The following PDGFA variants were observed in gnomAD, a reference collection of about 807,000 sequenced individuals.
PDGFA encodes the protein platelet-derived growth factor subunit A.
Under a neutral mutation model 25.6 loss-of-function variants are expected in PDGFA, and 9 were observed. That is an observed-to-expected ratio of 0.35 (90% confidence interval 0.21 to 0.61). The LOEUF (loss-of-function observed/expected upper bound fraction) is 0.61, where lower values mean the gene tolerates loss of function less well. Among genes scored for constraint, PDGFA ranks in the 20% least tolerant of loss-of-function variants. The pLI, the probability that PDGFA is intolerant of heterozygous loss-of-function variation, is 0.75. For missense variants in PDGFA, 242 were observed against 272.8 expected (o/e 0.89, Z 0.79); for synonymous variants, 133 against 111.8 (o/e 1.19, Z -1.20).
In PDGFA at chr7:504,697, C is replaced by A. The variant is rs563244592; in HGVS notation, c.454-3455G>T. Among the ~76,000 whole-genome samples the A allele has an allele frequency of 2.6e-5, 4 of 152,354 alleles. No homozygotes were observed. In the South Asian group the frequency reaches 8.3e-4, roughly 32 times the overall value. ...CGTGGGGATGGGCTCGGGCAGGGCGCCCTGTTCTGCTCCCGGCCCTGACCC... is the reference window on the plus strand; with the variant it reads ...CGTGGGGATGGGCTCGGGCAGGGCGACCTGTTCTGCTCCCGGCCCTGACCC... On this transcript the variant is annotated intron_variant, in intron 4 of 5. Coordinates refer to ENST00000402802, the Ensembl canonical transcript of PDGFA.
At chr7:512,229 T>C in intron 3 of PDGFA, 122 bp downstream of exon 3, 1 of 939,048 alleles carries the variant, frequency 1.1e-6, no homozygotes, top group Non-Finnish European at 1.6e-6. Flanking sequence ...GTGGCTTGCC[T>C]GAGGCCACTG....
rs1019151968 is a variant in PDGFA, at chr7:504,890, C to T, written c.454-3648G>A. On this transcript the variant is annotated intron_variant, in intron 4 of 5. Transcript: ENST00000402802. ...AACCACTCGAGATGGCCGGCCACCGCGGGCGCGTGGGCTCCCAGGACACAA... is the reference window on the plus strand; with the variant it reads ...AACCACTCGAGATGGCCGGCCACCGTGGGCGCGTGGGCTCCCAGGACACAA... Among the ~76,000 whole-genome samples, 8 of 152,342 alleles carry T rather than the reference C, an allele frequency of 5.3e-5. No homozygotes were observed. In the East Asian group the frequency reaches 9.7e-4, roughly 18 times the overall value.
In PDGFA at chr7:498,600, A is replaced by AC. The variant is rs1782197689; in HGVS notation, c.581-27dup. ...CTGCAGGGAGAAGGGAAAGACAGAC[A>AC]CTGAGACCACCGACCAAGTGAACCA... On this transcript the variant is annotated intron_variant, in intron 5 of 5. Coordinates refer to ENST00000402802, the Ensembl canonical transcript of PDGFA. 6 of 1,608,986 alleles carry AC rather than the reference A, an allele frequency of 3.7e-6. No homozygotes were observed. The African/African-American group carries it at 8.0e-5, about 21-fold the overall frequency.
At chr7:504,236 C>G (rs955868547) in intron 4 of PDGFA, among the ~76,000 whole-genome samples, 1 of 152,114 alleles carries the variant, frequency 6.6e-6, no homozygotes, top group African/African-American at 2.4e-5. Context: ...TACCACCACC[C>G]ACCCACCACA....
intron 3 of PDGFA, 50 bp downstream of exon 3, chr7:512,301 A>C (rs1782888733): frequency 1.3e-6 from 2 of 1,504,720 alleles, no homozygotes; most frequent in Admixed American, 1.7e-5. Context: ...GGCCTCCTGG[A>C]CTCACCCTGA....
chr7:508,332 C>G (rs1436371873), intron 4 of PDGFA, among the ~76,000 whole-genome samples: 1 of 151,880 alleles, frequency 6.6e-6, no homozygotes, highest in East Asian at 1.9e-4. Flanking sequence ...CAGCTGTCAC[C>G]AAATCCTCAG....
intron 4 of PDGFA, among the ~76,000 whole-genome samples, chr7:504,972 T>C (rs1028609039): frequency 1.3e-5 from 2 of 152,236 alleles, no homozygotes; most frequent in African/African-American, 4.8e-5. Flanking sequence ...GCCGCTCGTC[T>C]GGGAACCCAC....
In PDGFA at chr7:517,569, C is replaced by G; in HGVS notation, c.64-79G>C. On this transcript the variant is annotated intron_variant, in intron 1 of 5. Transcript: ENST00000402802. This position sits in a 1 kb window ranked among gnomAD's most constrained non-coding sequence, Gnocchi z 7.4. ...CGCCCCCGGCCGCCAGGAGCGCCGC[C>G]GCCCCGGGCCCGAGGAGACCCCGCG... 1 of 462,096 alleles carries G rather than the reference C, an allele frequency of 2.2e-6. No individual in the cohort carries two copies. Among genetic ancestry groups the G allele is most frequent in the Non-Finnish European group, 2.9e-6 (1 of 345,088 alleles). The allele number at this position is 462,096 out of a possible 1,614,324, so 28.6% of individuals were successfully genotyped here.
chr7:511,375 G>A (rs1583153193), intron 3 of PDGFA, among the ~76,000 whole-genome samples: 1 of 53,802 alleles, frequency 1.9e-5, no homozygotes, highest in African/African-American at 3.9e-5. Flanking sequence ...GCCAGAGACT[G>A]GGGGTGGCAG....
chr7:517,537 C>T lies in PDGFA; in HGVS notation c.64-47G>A, dbSNP rs569700019. 6 of 904,262 alleles carry T rather than the reference C, an allele frequency of 6.6e-6. No homozygotes were observed. In the African/African-American group the frequency reaches 9.1e-5, roughly 14 times the overall value. 56.0% of individuals were successfully genotyped at this position (904,262 alleles called of 1,614,324 possible). A position where few individuals can be genotyped will look rare whatever the true frequency, so the allele number is the denominator to read the frequency against. On this transcript the variant is annotated intron_variant, in intron 1 of 5. Coordinates refer to ENST00000402802, the Ensembl canonical transcript of PDGFA. This position sits in a 1 kb window ranked among gnomAD's most constrained non-coding sequence, Gnocchi z 7.4. Reference sequence around the variant, plus strand: ...TCAGCGCCCGCGGCCCCGACCCCGCCGGCACGCGCCCCCGGCCGCCAGGAG... The same window carrying T: ...TCAGCGCCCGCGGCCCCGACCCCGCTGGCACGCGCCCCCGGCCGCCAGGAG...
exon 4 of PDGFA, chr7:510,896 C>G (rs201449690): frequency 2.5e-6 from 4 of 1,612,096 alleles, no homozygotes; most frequent in African/African-American, 1.3e-5. Context: ...CCTCCACGCA[C>G]GGGGGCCAGA....
At chr7:507,745 G>A (rs1023160867) in intron 4 of PDGFA, among the ~76,000 whole-genome samples, 7 of 152,218 alleles carry the variant, frequency 4.6e-5, no homozygotes, top group African/African-American at 7.2e-5. Flanking sequence ...AAGGCCCACC[G>A]AAAGGCAGAA....
In PDGFA at chr7:511,284, G is replaced by A. The variant is rs1367094681; in HGVS notation, c.266-288C>T. Among the ~76,000 whole-genome samples, 595 of 106,562 alleles carry A rather than the reference G, an allele frequency of 5.6e-3. 3 individuals carry two copies. The highest frequency in any genetic ancestry group is 7.8e-3 in the Non-Finnish European group (423 of 54,080). The allele number at this position is 106,562 out of a possible 152,430, so 69.9% of individuals were successfully genotyped here. On this transcript the variant is annotated intron_variant, in intron 3 of 5. Coordinates refer to ENST00000402802, the Ensembl canonical transcript of PDGFA. ...GAACTTAGTCCAGGTGGGGCCAGTG[G>A]CTGGGGGTGGGGAGAGGGGAACTTA...
intron 5 of PDGFA, among the ~76,000 whole-genome samples, chr7:499,074 G>A (rs1455588984): frequency 6.6e-6 from 1 of 152,180 alleles, no homozygotes; most frequent in African/African-American, 2.4e-5. Context: ...ACTCCAACAC[G>A]TGGGCTGCCT....
exon 6 of PDGFA, chr7:497,971 AAACAAAAC>A (rs1782160874): frequency 7.5e-6 from 1 of 133,702 alleles, no homozygotes; most frequent in African/African-American, 2.9e-5. Flanking sequence ...AAAAAAAAAA[AAACAAAAC>A]AAAAACAAAA....
intron 2 of PDGFA, among the ~76,000 whole-genome samples, chr7:516,152 T>C (rs1783088688): frequency 7.0e-6 from 1 of 141,868 alleles, no homozygotes; most frequent in Non-Finnish European, 1.5e-5. Flanking sequence ...CACTGAGGGA[T>C]CCGGTCAAAA....
intron 2 of PDGFA, among the ~76,000 whole-genome samples, chr7:515,632 G>A (rs1164242357): frequency 6.6e-6 from 1 of 152,126 alleles, no homozygotes; most frequent in Non-Finnish European, 1.5e-5. Flanking sequence ...ATCCTATTCA[G>A]ACCCCAAAAC....
chr7:502,629 G>C (rs1209257594), intron 4 of PDGFA, among the ~76,000 whole-genome samples: 1 of 152,194 alleles, frequency 6.6e-6, no homozygotes, highest in Non-Finnish European at 1.5e-5. Context: ...AGCCACGCCT[G>C]CCCTCAATTC....
intron 4 of PDGFA, among the ~76,000 whole-genome samples, chr7:506,769 C>T (rs1490340221): frequency 6.6e-6 from 1 of 152,138 alleles, no homozygotes; most frequent in African/African-American, 2.4e-5. Context: ...GCTAGGGACC[C>T]CGGCCAGTCA....
Sources: allele counts gnomAD v4.1 joint callset (sites outside exome capture counted in the v4.1 genomes callset), GRCh38; gene constraint gnomAD v4.1.1; non-coding constraint Gnocchi (gnomAD v3.1); transcripts MANE v1.5; gene names NCBI Gene and HGNC (gene_info 2026-07-23, HGNC 2026-07-21).